Variants in LEKR1 observed in about 807,000 individuals in gnomAD.
LEKR1 encodes protein LEKR1.
In LEKR1, 59 loss-of-function variants were observed where a neutral mutation model predicts 72.4. The observed-to-expected ratio is 0.82, with a 90% CI of 0.66 to 1.01. The LOEUF (loss-of-function observed/expected upper bound fraction) is 1.01. Among genes scored for constraint, LEKR1 ranks in the 50% least tolerant of loss-of-function variants. The probability of loss-of-function intolerance (pLI) is 0.00; values close to 1 mark genes in which losing one functional copy is unlikely to be tolerated. For synonymous variants in LEKR1, 257 were observed against 263.2 expected, an observed-to-expected ratio of 0.98 and a Z score of 0.23; for missense variants, 728 against 759.2, an observed-to-expected ratio of 0.96 and a Z score of 0.48.
chr3:156,835,993 C>A (rs868558808), intron 2 of LEKR1, among the ~76,000 whole-genome samples: 1 of 148,710 alleles, frequency 6.7e-6, no homozygotes, highest in Non-Finnish European at 1.5e-5. Flanking sequence ...TGTGCCTCAG[C>A]CTTCTGAGTA....
At chr3:156,915,981 C>T (rs535740264) in intron 3 of LEKR1, among the ~76,000 whole-genome samples, 7 of 152,258 alleles carry the variant, frequency 4.6e-5, no homozygotes, top group Admixed American at 3.3e-4. Context: ...CTGCATATGG[C>T]TAGCCAGTTA....
At chr3:156,914,700 C>T (rs779145838) in intron 3 of LEKR1, among the ~76,000 whole-genome samples, 17 of 152,234 alleles carry the variant, frequency 1.1e-4, no homozygotes, top group South Asian at 4.1e-4. Flanking sequence ...TCTCTTTTAT[C>T]TATGAAGGCC....
intron 6 of LEKR1, among the ~76,000 whole-genome samples, chr3:156,955,776 G>A (rs1216934160): frequency 6.6e-6 from 1 of 151,898 alleles, no homozygotes; most frequent in Non-Finnish European, 1.5e-5. Flanking sequence ...TTGCATTGAT[G>A]TTCATCAGGG....
chr3:156,949,127 G>A (rs1398333989), intron 6 of LEKR1, among the ~76,000 whole-genome samples: 3 of 151,596 alleles, frequency 2.0e-5, no homozygotes, highest in African/African-American at 7.2e-5. Flanking sequence ...TTACTCTGTC[G>A]ATAGTTTCTT....
chr3:156,893,851 A>G (rs923528032), intron 3 of LEKR1, among the ~76,000 whole-genome samples: 2 of 152,196 alleles, frequency 1.3e-5, no homozygotes, highest in African/African-American at 4.8e-5. Flanking sequence ...CAAAGAAACT[A>G]TCTAGATCTG....
intron 3 of LEKR1, among the ~76,000 whole-genome samples, chr3:156,887,918 G>A (rs1165363789): frequency 6.6e-6 from 1 of 151,938 alleles, no homozygotes; most frequent in Non-Finnish European, 1.5e-5. Flanking sequence ...ATAATTATAT[G>A]TGTTTTATAT....
At chr3:156,974,225 A>G (rs895298185) in intron 6 of LEKR1, among the ~76,000 whole-genome samples, 6 of 152,168 alleles carry the variant, frequency 3.9e-5, no homozygotes, top group East Asian at 1.9e-4. Flanking sequence ...ATGTAGCTAC[A>G]TGGATAGGTC....
intron 6 of LEKR1, among the ~76,000 whole-genome samples, chr3:156,974,927 A>G (rs922133155): frequency 2.6e-5 from 4 of 152,174 alleles, no homozygotes; most frequent in Admixed American, 6.6e-5. Flanking sequence ...CAAAAACAGC[A>G]TATCCTCAAG....
intron 6 of LEKR1, among the ~76,000 whole-genome samples, chr3:156,972,862 AATTTT>A (rs1337485300): frequency 6.6e-5 from 10 of 152,056 alleles, no homozygotes; most frequent in African/African-American, 2.2e-4. Flanking sequence ...TTAAAAGATT[AATTTT>A]TCATTCACCA....
chr3:156,964,632 C>T (rs182924256), intron 6 of LEKR1, among the ~76,000 whole-genome samples: 4 of 152,040 alleles, frequency 2.6e-5, no homozygotes, highest in Admixed American at 2.6e-4. Flanking sequence ...TTGTCTTTTG[C>T]CTATTTTACT....
chr3:156,920,912 T>G (rs1424212460), intron 4 of LEKR1: 2 of 292,314 alleles, frequency 6.8e-6, no homozygotes, highest in Non-Finnish European at 1.2e-5. Flanking sequence ...GTTCTATTAG[T>G]GCCTTGTTAC....
intron 2 of LEKR1, among the ~76,000 whole-genome samples, chr3:156,838,798 A>C (rs1260293054): frequency 2.0e-5 from 3 of 152,168 alleles, no homozygotes; most frequent in Non-Finnish European, 4.4e-5. Flanking sequence ...GACAAACTGC[A>C]GGCAGGCACC....
intron 3 of LEKR1, among the ~76,000 whole-genome samples, chr3:156,894,838 A>G (rs780060310): frequency 1.3e-5 from 2 of 152,212 alleles, no homozygotes; most frequent in Non-Finnish European, 2.9e-5. Context: ...CTGGCTATAC[A>G]TAAGTGGAAG....
At position 156,834,784 on chromosome 3, in the gene LEKR1, C is replaced by T. The variant is rs536880585; in HGVS notation, c.48+5407C>T. 2.6e-5 allele frequency among the ~76,000 whole-genome samples: 4 copies of T among 152,210 alleles called. No homozygotes were observed. In the East Asian group the frequency reaches 5.8e-4, roughly 22 times the overall value. ...ATAGAAGTAGTTTATAACCTTAAAA[C>T]GTATAGCAAAGACAGAATTCAGTCT... On this transcript the variant is annotated intron_variant, in intron 2 of 12. Coordinates refer to ENST00000356539, the MANE Select transcript of LEKR1 (RefSeq NM_001004316.3).
At chr3:156,915,419 A>ATTT (rs146567181) in intron 3 of LEKR1, among the ~76,000 whole-genome samples, 3 of 147,384 alleles carry the variant, frequency 2.0e-5, no homozygotes, top group East Asian at 2.0e-4. Flanking sequence ...AGCATCTGTT[A>ATTT]TTTTTTTTTT....
chr3:156,993,565 C>T (rs1205954957), intron 9 of LEKR1, among the ~76,000 whole-genome samples: 1 of 151,976 alleles, frequency 6.6e-6, no homozygotes. Context: ...AATCAGACCA[C>T]GTGTGATACT....
intron 3 of LEKR1, among the ~76,000 whole-genome samples, chr3:156,896,190 G>A (rs955583228): frequency 1.3e-5 from 2 of 152,012 alleles, no homozygotes; most frequent in African/African-American, 4.8e-5. Flanking sequence ...CACACACTGG[G>A]GCCTGTCAGG....
At chr3:156,915,718 T>C (rs1723570530) in intron 3 of LEKR1, among the ~76,000 whole-genome samples, 3 of 152,148 alleles carry the variant, frequency 2.0e-5, no homozygotes. Flanking sequence ...GTTGTCTGTT[T>C]ACTCTGTCGA....
intron 4 of LEKR1, among the ~76,000 whole-genome samples, chr3:156,926,826 A>T (rs1724761371): frequency 6.6e-6 from 1 of 151,894 alleles, no homozygotes; most frequent in Admixed American, 6.6e-5. Flanking sequence ...TTATACTCTC[A>T]TGGCTTCAGT....
Sources: allele counts gnomAD v4.1 joint callset (sites outside exome capture counted in the v4.1 genomes callset), GRCh38; gene constraint gnomAD v4.1.1; transcripts MANE v1.5; gene names NCBI Gene and HGNC (gene_info 2026-07-23, HGNC 2026-07-21).